AUTS2: variants seen among roughly 807,000 people sequenced by gnomAD.
The protein encoded by AUTS2 is activator of transcription and developmental regulator AUTS2.
A neutral mutation model predicts 112.4 loss-of-function variants in AUTS2; 17 were observed. That is an observed-to-expected ratio of 0.15 (90% CI 0.10 to 0.23). The LOEUF is 0.23. AUTS2 is among the 10% of genes least tolerant of loss of function. AUTS2 has a pLI of 1.00. For synonymous variants in AUTS2, 751 were observed against 702.7 expected (o/e 1.07, Z -1.09); for missense variants, 1,510 against 1,701.6 (o/e 0.89, Z 1.98).
intron 5 of AUTS2, among the ~76,000 whole-genome samples, chr7:70,654,772 G>T (rs972356043): frequency 6.6e-6 from 1 of 152,098 alleles, no homozygotes; most frequent in Non-Finnish European, 1.5e-5. Context: ...TGCTTTTGTG[G>T]TATTATCTGT....
intron 6 of AUTS2, among the ~76,000 whole-genome samples, chr7:70,742,689 G>A (rs766720053): frequency 3.9e-5 from 6 of 152,172 alleles, no homozygotes; most frequent in Admixed American, 2.0e-4. Flanking sequence ...TTGAACCCGG[G>A]AGGCAGAGGT....
chr7:70,510,838 T>A (rs1004222345), intron 5 of AUTS2, among the ~76,000 whole-genome samples: 2 of 151,856 alleles, frequency 1.3e-5, no homozygotes, highest in Admixed American at 1.3e-4. Flanking sequence ...ATTTATTTAT[T>A]TTTATTTATT....
chr7:70,211,836 A>T (rs1562789928), intron 4 of AUTS2, among the ~76,000 whole-genome samples: 1 of 150,620 alleles, frequency 6.6e-6, no homozygotes, highest in African/African-American at 2.4e-5. Flanking sequence ...AATACAAAAA[A>T]TTAGCGGGGC....
At chr7:70,539,794 C>T (rs1371510114) in intron 5 of AUTS2, among the ~76,000 whole-genome samples, 1 of 152,126 alleles carries the variant, frequency 6.6e-6, no homozygotes, top group African/African-American at 2.4e-5. Flanking sequence ...TGTCAGCTTC[C>T]ACTCTGGTGT....
intron 4 of AUTS2, among the ~76,000 whole-genome samples, chr7:70,303,433 CGCACAT>C (rs1368111672): frequency 1.2e-4 from 16 of 129,016 alleles, no homozygotes; most frequent in African/African-American, 5.3e-4. Flanking sequence ...CGCGCGCGCG[CGCACAT>C]ACACACACAC....
intron 4 of AUTS2, among the ~76,000 whole-genome samples, chr7:70,296,582 A>G (rs928321441): frequency 6.6e-6 from 1 of 152,194 alleles, no homozygotes; most frequent in Non-Finnish European, 1.5e-5. Context: ...TTTTGAAAAC[A>G]TGATAATTAA....
At chr7:70,567,068 C>T (rs4717534) in intron 5 of AUTS2, among the ~76,000 whole-genome samples, 1 of 152,058 alleles carries the variant, frequency 6.6e-6, no homozygotes, top group African/African-American at 2.4e-5. Flanking sequence ...CATGTATAAA[C>T]CATGCTGCAC....
chr7:70,094,417 G>A (rs1313371454), intron 2 of AUTS2, among the ~76,000 whole-genome samples: 2 of 152,176 alleles, frequency 1.3e-5, no homozygotes, highest in South Asian at 2.1e-4. Flanking sequence ...GGCTTGTATG[G>A]CTTTGGATTG....
chr7:70,193,968 CTATATT>C, intron 4 of AUTS2, among the ~76,000 whole-genome samples: 2 of 152,276 alleles, frequency 1.3e-5, no homozygotes, highest in South Asian at 4.1e-4. Context: ...TTCTTCATAT[CTATATT>C]TAATATTCAA....
rs1788412219 is a variant in AUTS2, at chr7:69,766,171, C to G, written c.310-133115C>G. On this transcript the variant is annotated intron_variant, in intron 1 of 18. Coordinates refer to ENST00000342771, the MANE Select transcript of AUTS2 (RefSeq NM_015570.4). ...TTTTATCTCTATGAATTTGATTACT[C>G]TAAGTATCTCATATAACTGGAATCA... 2.6e-5 allele frequency among the ~76,000 whole-genome samples: 4 copies of G among 152,174 alleles called. No homozygotes were observed. In the South Asian group the frequency reaches 8.3e-4, roughly 31 times the overall value.
At chr7:69,917,285 T>C (rs991265648) in intron 2 of AUTS2, among the ~76,000 whole-genome samples, 3 of 140,692 alleles carry the variant, frequency 2.1e-5, no homozygotes, top group Non-Finnish European at 3.1e-5. Context: ...TTCCCTTTTT[T>C]TTTCTTTTTT....
chr7:69,788,167 A>G (rs1257399177), intron 1 of AUTS2, among the ~76,000 whole-genome samples: 1 of 152,116 alleles, frequency 6.6e-6, no homozygotes, highest in Non-Finnish European at 1.5e-5. Flanking sequence ...GCCCCCAGTA[A>G]AAAATGACCT....
chr7:70,777,480 C>T (rs1164987732), intron 14 of AUTS2, among the ~76,000 whole-genome samples: 1 of 151,754 alleles, frequency 6.6e-6, no homozygotes, highest in Non-Finnish European at 1.5e-5. Flanking sequence ...AGGCATATAC[C>T]ACCATACTTG....
chr7:70,207,065 C>T (rs572396320), intron 4 of AUTS2, among the ~76,000 whole-genome samples: 67 of 152,294 alleles, frequency 4.4e-4, no homozygotes, highest in Admixed American at 6.5e-4. Flanking sequence ...ATTAAAATGT[C>T]ATTAGTGAAG....
Position 70,256,470 on chromosome 7 carries a change from G to A in AUTS2, c.660+121899G>A, listed in dbSNP as rs867560863. On this transcript the variant is annotated intron_variant, in intron 4 of 18. Coordinates refer to ENST00000342771, the MANE Select transcript of AUTS2 (RefSeq NM_015570.4). ...GGTTGATTTCATCCCATGGTCCATAGTTACAAATGGCTTCCAAGCTGCCAA... is the reference window on the plus strand; with the variant it reads ...GGTTGATTTCATCCCATGGTCCATAATTACAAATGGCTTCCAAGCTGCCAA... Among the ~76,000 whole-genome samples the A allele has an allele frequency of 1.3e-5, 2 of 152,282 alleles. 1 individual carries two copies. The highest frequency in any genetic ancestry group is 6.8e-3 in the Middle Eastern group (2 of 294).
intron 3 of AUTS2, among the ~76,000 whole-genome samples, chr7:70,123,152 A>G (rs974339846): frequency 6.6e-6 from 1 of 152,198 alleles, no homozygotes; most frequent in Non-Finnish European, 1.5e-5. Context: ...CTGGGATTAC[A>G]GGCGTGAGCC....
chr7:70,641,419 G>C (rs1432562528), intron 5 of AUTS2, among the ~76,000 whole-genome samples: 1 of 152,132 alleles, frequency 6.6e-6, no homozygotes, highest in Admixed American at 6.5e-5. Context: ...GGGCATGGCG[G>C]TCAGCACCTG....
At chr7:70,455,323 G>A (rs1221020823) in intron 5 of AUTS2, among the ~76,000 whole-genome samples, 1 of 152,124 alleles carries the variant, frequency 6.6e-6, no homozygotes, top group African/African-American at 2.4e-5. Context: ...CCTTATTCCT[G>A]GTGGCCTTCA....
At chr7:70,407,939 A>G (rs939849496) in intron 4 of AUTS2, among the ~76,000 whole-genome samples, 1 of 151,960 alleles carries the variant, frequency 6.6e-6, no homozygotes, top group African/African-American at 2.4e-5. Flanking sequence ...CTGTAGTCCC[A>G]GCTACTCGGG....
Sources: gnomAD v4.1 joint callset for allele counts (sites outside exome capture counted in the v4.1 genomes callset) on GRCh38, gnomAD v4.1.1 for gene constraint, MANE v1.5 for transcripts, NCBI Gene and HGNC (gene_info 2026-07-23, HGNC 2026-07-21) for gene names.